Variants in FRMPD2 observed in about 807,000 individuals in gnomAD.
The protein encoded by FRMPD2 is FERM and PDZ domain-containing protein 2.
FRMPD2 carries 96 observed loss-of-function variants against 140.1 expected under a neutral mutation model. The ratio of observed to expected loss-of-function variants is 0.69; its 90% confidence interval spans 0.58 to 0.81. The LOEUF (loss-of-function observed/expected upper bound fraction) is 0.81. Among genes scored for constraint, FRMPD2 ranks in the 40% least tolerant of loss-of-function variants. FRMPD2 has a pLI of 0.00. For synonymous variants in FRMPD2, 449 were observed against 547.6 expected (o/e 0.82, Z 2.52); for missense variants, 1,240 against 1,447.4 (o/e 0.86, Z 2.32).
chr10:48,239,178 G>T (rs1323915431), intron 7 of FRMPD2, among the ~76,000 whole-genome samples: 1 of 152,220 alleles, frequency 6.6e-6, no homozygotes, highest in East Asian at 1.9e-4. Flanking sequence ...AGGCAGGAAG[G>T]CTTTCAGCAG....
At chr10:48,224,164 G>A (rs1839671753) in intron 10 of FRMPD2, among the ~76,000 whole-genome samples, 1 of 152,176 alleles carries the variant, frequency 6.6e-6, no homozygotes, top group Admixed American at 6.5e-5. Flanking sequence ...CCCTGGGAGG[G>A]AGACTGAATC....
Position 48,201,342 on chromosome 10 carries a change from G to A in FRMPD2, c.1840C>T (p.His614Tyr). 1.2e-6 allele frequency: 2 copies of A among 1,613,830 alleles called. No homozygotes were observed. Among genetic ancestry groups the A allele is most frequent in the Non-Finnish European group, 1.7e-6 (2 of 1,179,800 alleles). The change falls in exon 15 of 29, where the codon CAC (histidine) becomes TAC (tyrosine). Residue 614 changes from histidine (H) to tyrosine (Y), a missense_variant. Coordinates refer to ENST00000374201, the MANE Select transcript of FRMPD2 (RefSeq NM_001018071.4). ...TTGGCTGAATCTGTGACAAATGTGT[G>A]CTTCTTCCCAGTGACACTGCTTGTG... ...TITSSVTGKK[H>Y]TFVTDSAKTS...
intron 15 of FRMPD2, among the ~76,000 whole-genome samples, chr10:48,199,187 C>T (rs1251333133): frequency 6.7e-6 from 1 of 149,100 alleles, no homozygotes; most frequent in African/African-American, 2.5e-5. Context: ...CTCAGCATCA[C>T]ATAATATTCC....
intron 20 of FRMPD2, among the ~76,000 whole-genome samples, chr10:48,183,845 C>G: frequency 3.7e-5 from 1 of 27,322 alleles, no homozygotes; most frequent in Non-Finnish European, 8.6e-5. Flanking sequence ...GAGTGAGACT[C>G]CATCTCAAAA....
intron 12 of FRMPD2, among the ~76,000 whole-genome samples, chr10:48,217,471 GA>G (rs1400288681): frequency 6.6e-6 from 1 of 152,212 alleles, no homozygotes. Context: ...ACAATGTTGG[GA>G]GAGTCTGAGA....
chr10:48,171,379 C>T (rs1554791669), intron 25 of FRMPD2, among the ~76,000 whole-genome samples, 171 bp from the exon 26 acceptor site: 2 of 151,210 alleles, frequency 1.3e-5, no homozygotes, highest in African/African-American at 4.8e-5. Flanking sequence ...TAGTGCTGTC[C>T]AATAAAATAT....
At chr10:48,200,144 TA>T (rs1256562462) in intron 15 of FRMPD2, among the ~76,000 whole-genome samples, 1 of 134,310 alleles carries the variant, frequency 7.4e-6, no homozygotes, top group Non-Finnish European at 1.6e-5. Flanking sequence ...AACTAAAAGC[TA>T]AAAAATATAA....
intron 10 of FRMPD2, among the ~76,000 whole-genome samples, chr10:48,227,173 C>A (rs1331483399): frequency 6.6e-6 from 1 of 152,176 alleles, no homozygotes; most frequent in East Asian, 1.9e-4. Flanking sequence ...TAAGGTTGTT[C>A]TCTGAATTGT....
intron 13 of FRMPD2, among the ~76,000 whole-genome samples, chr10:48,207,166 G>T (rs1207763717): frequency 1.0e-4 from 15 of 149,722 alleles, no homozygotes; most frequent in Admixed American, 2.6e-4. Flanking sequence ...GTAACCCAAG[G>T]AATACTTTTC....
At chr10:48,246,194 GC>G (rs528026472) in intron 3 of FRMPD2, among the ~76,000 whole-genome samples, 31 of 152,266 alleles carry the variant, frequency 2.0e-4, no homozygotes, top group African/African-American at 7.2e-4. Context: ...TGCAGTGACT[GC>G]CACCCGCAAG....
chr10:48,207,366 A>G (rs960877761), intron 13 of FRMPD2, among the ~76,000 whole-genome samples: 3 of 152,142 alleles, frequency 2.0e-5, no homozygotes, highest in African/African-American at 7.2e-5. Flanking sequence ...GACAGATAGA[A>G]AAACTGAGGC....
chr10:48,161,409 C>T (rs1837938367), intron 28 of FRMPD2, among the ~76,000 whole-genome samples: 1 of 151,144 alleles, frequency 6.6e-6, no homozygotes, highest in Non-Finnish European at 1.5e-5. Context: ...CAAATGCTAA[C>T]AGATAGGCAG....
At chr10:48,207,379 A>T (rs1185772520) in intron 13 of FRMPD2, among the ~76,000 whole-genome samples, 1 of 152,150 alleles carries the variant, frequency 6.6e-6, no homozygotes, top group African/African-American at 2.4e-5. Context: ...ACTGAGGCTA[A>T]GGCACAGAAA....
chr10:48,251,182 T>C (rs1302621485), intron 2 of FRMPD2, among the ~76,000 whole-genome samples: 1 of 152,182 alleles, frequency 6.6e-6, no homozygotes, highest in Non-Finnish European at 1.5e-5. Context: ...GACCACACCC[T>C]GCCTCTCATC....
At chr10:48,222,019 T>C (rs910860949) in intron 12 of FRMPD2, among the ~76,000 whole-genome samples, 1 of 150,394 alleles carries the variant, frequency 6.6e-6, no homozygotes, top group Non-Finnish European at 1.5e-5. Flanking sequence ...GATGGATGGA[T>C]GGATAGATGG....
intron 24 of FRMPD2, among the ~76,000 whole-genome samples, chr10:48,174,033 A>G (rs570914660): frequency 1.3e-5 from 2 of 152,358 alleles, no homozygotes; most frequent in South Asian, 2.1e-4. Context: ...GAAGGTGCCA[A>G]TAAATTATGG....
intron 7 of FRMPD2, among the ~76,000 whole-genome samples, chr10:48,239,353 C>T (rs149127041): frequency 6.2e-4 from 94 of 152,278 alleles, no homozygotes; most frequent in African/African-American, 1.9e-3. Context: ...GTTGTTGCTC[C>T]GCCACTCGGC....
chr10:48,237,936 A>G (rs555364353), intron 8 of FRMPD2, 55 bp downstream of exon 8: 3 of 1,609,598 alleles, frequency 1.9e-6, no homozygotes. Context: ...CCAGCCACCC[A>G]CAGCTCCCTG....
Position 48,232,173 on chromosome 10 carries a change from G to C in FRMPD2, c.1110C>G (p.Ala370=). The C allele has an allele frequency of 1.9e-6, 3 of 1,614,048 alleles. No individual in the cohort carries two copies. The highest frequency in any genetic ancestry group is 8.5e-7 in the Non-Finnish European group (1 of 1,180,032). The change falls in exon 10 of 29, where the codon GCC becomes GCG. Residue 370 remains alanine, a synonymous_variant. Coordinates refer to ENST00000374201, the MANE Select transcript of FRMPD2 (RefSeq NM_001018071.4). ...VESTVGAVFN[A]VTSFANLEEL... ...CCTCGAGGTTGGCAAAGGATGTCAC[G>C]GCATTGAAGACAGCTCCCACTGTTG...
Sources: allele counts gnomAD v4.1 joint callset (sites outside exome capture counted in the v4.1 genomes callset), GRCh38; gene constraint gnomAD v4.1.1; transcripts MANE v1.5; gene names NCBI Gene and HGNC (gene_info 2026-07-23, HGNC 2026-07-21).